Variants in STYX observed in about 807,000 individuals in gnomAD.
STYX encodes the protein serine/threonine/tyrosine-interacting protein.
STYX carries 20 observed loss-of-function variants against 42.7 expected under a neutral mutation model. The ratio of observed to expected loss-of-function variants is 0.47; its 90% CI spans 0.33 to 0.68. STYX has a LOEUF of 0.68. Among genes scored for constraint, STYX ranks in the 30% least tolerant of loss-of-function variants. STYX has a pLI of 0.02. For synonymous variants in STYX, 78 were observed against 81.9 expected, an observed-to-expected ratio of 0.95 and a Z score of 0.26; for missense variants, 226 against 268.5, an observed-to-expected ratio of 0.84 and a Z score of 1.11.
chr14:52,744,308 A>C (rs145311263), intron 1 of STYX, among the ~76,000 whole-genome samples: 53 of 152,372 alleles, frequency 3.5e-4, no homozygotes, highest in African/African-American at 1.3e-3. Context: ...TGAACTAGAC[A>C]AGAATGTTAG....
At chr14:52,753,748 TG>T (rs756068027) in intron 4 of STYX, among the ~76,000 whole-genome samples, 1 of 152,066 alleles carries the variant, frequency 6.6e-6, no homozygotes, top group Non-Finnish European at 1.5e-5. Flanking sequence ...TTTTTGTTAA[TG>T]TTTTTTATTG....
intron 3 of STYX, among the ~76,000 whole-genome samples, chr14:52,747,550 A>G (rs1319155958): frequency 6.6e-6 from 1 of 152,222 alleles, no homozygotes; most frequent in African/African-American, 2.4e-5. Context: ...AGGTAACTAT[A>G]GACATAGCCG....
At position 52,746,410 on chromosome 14, in the gene STYX, ATT is replaced by A. The variant is rs748090940; in HGVS notation, c.91-6_91-5del. The A allele has an allele frequency of 4.1e-6, 5 of 1,211,590 alleles. No individual in the cohort carries two copies. The South Asian group carries it at 4.8e-5, about 12-fold the overall frequency. The allele number at this position is 1,211,590 out of a possible 1,614,324, so 75.1% of individuals were successfully genotyped here. ...AAATTGCTGATGGTAAATACCTCAA[ATT>A]TTTTTTTTTCTAGGAAATTTTACCT... is the stretch of plus-strand genomic sequence containing the variant. On this transcript the variant is annotated splice_polypyrimidine_tract_variant and intron_variant, in intron 2 of 10. Transcript: ENST00000354586.
At chr14:52,769,516 C>A (rs1025003064) in intron 10 of STYX, among the ~76,000 whole-genome samples, 6 of 152,060 alleles carry the variant, frequency 3.9e-5, no homozygotes, top group Non-Finnish European at 8.8e-5. Flanking sequence ...ATATACTTAG[C>A]ACTGACCTGG....
At chr14:52,750,225 G>C (rs1881557229) in intron 3 of STYX, among the ~76,000 whole-genome samples, 1 of 152,160 alleles carries the variant, frequency 6.6e-6, no homozygotes, top group Non-Finnish European at 1.5e-5. Context: ...TATACTGGGA[G>C]AGGCAAGGAG....
At chr14:52,770,749 T>G (rs1231557309) in intron 10 of STYX, among the ~76,000 whole-genome samples, 1 of 152,128 alleles carries the variant, frequency 6.6e-6, no homozygotes, top group Non-Finnish European at 1.5e-5. Flanking sequence ...ATTTATGTAT[T>G]ATCTCTTGAA....
intron 8 of STYX, 75 bp from the exon 9 acceptor site, chr14:52,759,607 C>A: frequency 1.0e-6 from 1 of 992,800 alleles, no homozygotes; most frequent in Non-Finnish European, 1.6e-6. Flanking sequence ...TTACCCCTCT[C>A]TATTGCTAAG....
chr14:52,759,702 A>G lies in STYX; in HGVS notation c.452A>G (p.Gln151Arg), dbSNP rs1464857577. 3.7e-6 allele frequency: 6 copies of G among 1,610,174 alleles called. No individual in the cohort carries two copies. In the East Asian group the frequency reaches 1.3e-4, roughly 36 times the overall value. Residue 151 changes from glutamine to arginine, a missense_variant, in exon 9 of 11, where the codon CAA becomes CGA. Transcript: ENST00000354586. ...TTCAGAGATGCTTTTGCTTATGTTC[A>G]AGAAAGAAGATTTTGTATTAATCCT... ...MKYRDAFAYV[Q>R]ERRFCINPNA...
intron 10 of STYX, among the ~76,000 whole-genome samples, chr14:52,770,086 A>T (rs574744829): frequency 6.6e-6 from 1 of 152,242 alleles, no homozygotes; most frequent in African/African-American, 2.4e-5. Context: ...CCTCAGGAAG[A>T]CATGATGATT....
intron 4 of STYX, among the ~76,000 whole-genome samples, chr14:52,752,254 G>T (rs1881647007): frequency 6.6e-6 from 1 of 151,526 alleles, no homozygotes; most frequent in Admixed American, 6.6e-5. Flanking sequence ...GGATCACGAG[G>T]TCGAGATTGA....
chr14:52,762,678 C>T (rs902212951), intron 9 of STYX, among the ~76,000 whole-genome samples: 1 of 151,708 alleles, frequency 6.6e-6, no homozygotes, highest in African/African-American at 2.4e-5. Context: ...TGCCATGGAT[C>T]AATTTAAATT....
intron 4 of STYX, among the ~76,000 whole-genome samples, chr14:52,751,396 G>A (rs1224097655): frequency 6.6e-6 from 1 of 152,050 alleles, no homozygotes; most frequent in African/African-American, 2.4e-5. Context: ...GACTATCATT[G>A]TACATATTAC....
Position 52,730,531 on chromosome 14 carries a change from G to A in STYX, c.57G>A (p.Glu19=). ...PSLPQCKEDA[E]EWTYPMRREM... Reference sequence around the variant, plus strand: ...TTCCACAGTGCAAGGAAGACGCCGAGGTGAGTCGCTCCCGTGGCTGCCACG... The same window carrying A: ...TTCCACAGTGCAAGGAAGACGCCGAAGTGAGTCGCTCCCGTGGCTGCCACG... Residue 19 remains glutamate, a splice_region_variant and synonymous_variant, in exon 1 of 11, where the codon GAG becomes GAA. Transcript: ENST00000354586. 6.2e-7 allele frequency: 1 copy of A among 1,613,236 alleles called. No homozygotes were observed. The highest frequency in any genetic ancestry group is 8.5e-7 in the Non-Finnish European group (1 of 1,179,756).
intron 6 of STYX, 113 bp downstream of exon 6, chr14:52,757,468 C>G (rs1450734181): frequency 1.0e-6 from 1 of 988,880 alleles, no homozygotes; most frequent in Non-Finnish European, 1.5e-6. Context: ...TATGTAGTAG[C>G]TTACTCCCAA....
At chr14:52,767,541 C>T (rs1009913436) in intron 9 of STYX, among the ~76,000 whole-genome samples, 2 of 151,986 alleles carry the variant, frequency 1.3e-5, no homozygotes, top group African/African-American at 4.8e-5. Context: ...CTGGTTCCTT[C>T]TTGATTATTG....
intron 9 of STYX, among the ~76,000 whole-genome samples, chr14:52,766,749 TTTC>T (rs1882316053): frequency 6.6e-6 from 1 of 152,212 alleles, no homozygotes; most frequent in Non-Finnish European, 1.5e-5. Flanking sequence ...TCTGTTTCTT[TTTC>T]TTTTTAGTAT....
At chr14:52,731,023 T>C (rs1287063789) in intron 1 of STYX, among the ~76,000 whole-genome samples, 4 of 152,238 alleles carry the variant, frequency 2.6e-5, no homozygotes, top group Admixed American at 2.6e-4. Flanking sequence ...CAACAAAGTG[T>C]CTCAAAGCTA....
chr14:52,767,031 G>C (rs1451164058), intron 9 of STYX, among the ~76,000 whole-genome samples: 1 of 152,146 alleles, frequency 6.6e-6, no homozygotes, highest in Non-Finnish European at 1.5e-5. Context: ...ACAAAATGTA[G>C]TAGGCCAGAA....
In STYX at chr14:52,772,812, CCTTCT is replaced by C. The variant is rs1397161520; in HGVS notation, c.*1710_*1714del. On this transcript the variant is annotated 3_prime_UTR_variant, in exon 11 of 11. Transcript: ENST00000354586. ...TTCTCTTCTGATTTCCCTCCCCTTC[CCTTCT>C]CTTATCTTACCACTGTGAAAACAGC... 31 of 151,854 alleles carry C rather than the reference CCTTCT, an allele frequency of 2.0e-4. No individual in the cohort carries two copies. Among genetic ancestry groups the C allele is most frequent in the African/African-American group, 7.0e-4 (29 of 41,456 alleles). The allele number at this position is 151,854 out of a possible 1,614,324, so 9.4% of individuals were successfully genotyped here.
Sources: allele counts gnomAD v4.1 joint callset (sites outside exome capture counted in the v4.1 genomes callset), GRCh38; gene constraint gnomAD v4.1.1; transcripts MANE v1.5; gene names NCBI Gene and HGNC (gene_info 2026-07-23, HGNC 2026-07-21).